The following PDE1C variants were observed in gnomAD, a reference collection of about 807,000 sequenced individuals.
PDE1C encodes the protein phosphodiesterase 1C, also known as dual specificity calcium/calmodulin-dependent 3',5'-cyclic nucleotide phosphodiesterase 1C.
A neutral mutation model predicts 93.1 loss-of-function variants in PDE1C; 62 were observed. The ratio of observed to expected loss-of-function variants is 0.67; its 90% CI spans 0.54 to 0.82. The LOEUF is 0.82. PDE1C is among the 40% of genes least tolerant of loss of function. The pLI, the probability that PDE1C is intolerant of heterozygous loss-of-function variation, is 0.00. For missense variants in PDE1C, 742 were observed against 884.6 expected, an observed-to-expected ratio of 0.84 and a Z score of 2.04; for synonymous variants, 325 against 310.1, an observed-to-expected ratio of 1.05 and a Z score of -0.50.
rs181151323 is a variant in PDE1C, at chr7:31,962,299, T to C, written c.129-81439A>G. ...CTAACATCTTCCAAAACAAGTTCAC[T>C]ATGACTGTTCAGTGCCAGCCCTGGA... On this transcript the variant is annotated intron_variant, in intron 2 of 17. Transcript: ENST00000396191. 1.5e-4 allele frequency among the ~76,000 whole-genome samples: 23 copies of C among 152,356 alleles called. No individual in the cohort carries two copies. In the East Asian group the frequency reaches 4.4e-3, roughly 29 times the overall value.
intron 2 of PDE1C, among the ~76,000 whole-genome samples, chr7:32,195,953 G>A (rs1318243731): frequency 6.6e-6 from 1 of 152,130 alleles, no homozygotes; most frequent in African/African-American, 2.4e-5. Context: ...CACTGTGTAT[G>A]GAATGACCTC....
chr7:31,795,146 A>G (rs1371854378), intron 16 of PDE1C, among the ~76,000 whole-genome samples: 1 of 151,958 alleles, frequency 6.6e-6, no homozygotes, highest in Non-Finnish European at 1.5e-5. Flanking sequence ...ACTGCATTTA[A>G]TAGCTTTTTT....
intron 2 of PDE1C, among the ~76,000 whole-genome samples, chr7:32,172,144 A>C (rs1802693191): frequency 6.6e-6 from 1 of 151,982 alleles, no homozygotes; most frequent in Non-Finnish European, 1.5e-5. Flanking sequence ...GCCTGAAGAC[A>C]TTACCATTAC....
At chr7:32,245,621 A>T (rs1165173560) in intron 1 of PDE1C, among the ~76,000 whole-genome samples, 1 of 152,192 alleles carries the variant, frequency 6.6e-6, no homozygotes, top group Non-Finnish European at 1.5e-5. Flanking sequence ...CAGGTGTATC[A>T]GCATCTTAGT....
the PDE1C span, among the ~76,000 whole-genome samples, chr7:31,624,423 G>A: frequency 5.2e-5 from 7 of 134,310 alleles, no homozygotes; most frequent in Admixed American, 2.4e-4. Flanking sequence ...CCAAAACAGA[G>A]ATATAGATCA....
chr7:31,631,763 TC>T, the PDE1C span, among the ~76,000 whole-genome samples: 1 of 152,186 alleles, frequency 6.6e-6, no homozygotes, highest in Non-Finnish European at 1.5e-5. Flanking sequence ...TGGAAGTAAT[TC>T]AAATGTTACG....
chr7:31,932,823 C>T (rs1012360743), intron 2 of PDE1C, among the ~76,000 whole-genome samples: 4 of 152,106 alleles, frequency 2.6e-5, no homozygotes, highest in Non-Finnish European at 5.9e-5. Flanking sequence ...CCTAAATGCC[C>T]ATCAGTGATA....
chr7:32,079,576 C>G (rs1796539326), intron 3 of PDE1C, among the ~76,000 whole-genome samples: 1 of 152,170 alleles, frequency 6.6e-6, no homozygotes, highest in Non-Finnish European at 1.5e-5. Flanking sequence ...AGATGGCAAC[C>G]CGGGCTAGAA....
chr7:32,274,990 A>T (rs1182087369), intron 1 of PDE1C, among the ~76,000 whole-genome samples: 1 of 152,218 alleles, frequency 6.6e-6, no homozygotes, highest in Non-Finnish European at 1.5e-5. Context: ...CAAGTCGCTA[A>T]GTTTCTGCAG....
intron 2 of PDE1C, among the ~76,000 whole-genome samples, chr7:31,962,116 A>G (rs1563104642): frequency 6.6e-6 from 1 of 152,240 alleles, no homozygotes; most frequent in Non-Finnish European, 1.5e-5. Flanking sequence ...AACTTCCAGT[A>G]TCTTTTCTCC....
At chr7:31,683,536 G>A in the PDE1C span, among the ~76,000 whole-genome samples, 1 of 151,944 alleles carries the variant, frequency 6.6e-6, no homozygotes, top group African/African-American at 2.4e-5. Context: ...CAAAGACACA[G>A]TGCTCACTTA....
chr7:32,238,049 C>T (rs12701198), intron 1 of PDE1C, among the ~76,000 whole-genome samples: 15,985 of 151,956 alleles, frequency 0.11, 902 homozygotes, highest in East Asian at 0.13. Context: ...GGATTGCAGG[C>T]GTAAACCACC....
At chr7:32,286,625 C>A in intron 1 of PDE1C, among the ~76,000 whole-genome samples, 1 of 152,138 alleles carries the variant, frequency 6.6e-6, no homozygotes, top group East Asian at 1.9e-4. Flanking sequence ...GAAGCTGATA[C>A]AAACACAAAA....
intron 9 of PDE1C, among the ~76,000 whole-genome samples, chr7:31,846,978 A>G (rs1792715008): frequency 6.6e-6 from 1 of 152,186 alleles, no homozygotes; most frequent in African/African-American, 2.4e-5. Context: ...AATCCTTGAA[A>G]GATGGTGAGC....
intron 1 of PDE1C, among the ~76,000 whole-genome samples, chr7:32,335,742 G>T (rs1783607093): frequency 6.6e-6 from 1 of 151,566 alleles, no homozygotes; most frequent in Non-Finnish European, 1.5e-5. Flanking sequence ...GTTTTTGTTT[G>T]TTTTGAGACA....
chr7:31,930,848 C>CAAAAAAAAAAAAAAAAAAAAA (rs56394903), intron 2 of PDE1C, among the ~76,000 whole-genome samples: 2 of 32,642 alleles, frequency 6.1e-5, no homozygotes, highest in African/African-American at 1.7e-4. Flanking sequence ...GACTCTGTCT[C>CAAAAAAAAAAAAAAAAAAAAA]AAAAAAAAAA....
At chr7:32,221,620 C>A (rs1398167510) in intron 1 of PDE1C, among the ~76,000 whole-genome samples, 1 of 152,120 alleles carries the variant, frequency 6.6e-6, no homozygotes, top group Non-Finnish European at 1.5e-5. Context: ...GGACATAACC[C>A]GCATTGAAAA....
chr7:31,787,546 G>A (rs1784130360), intron 16 of PDE1C: 1 of 152,172 alleles, frequency 6.6e-6, no homozygotes, highest in South Asian at 2.1e-4. Flanking sequence ...CAAATTCAAG[G>A]GCTAACTTGT....
upstream of PDE1C, chr7:32,071,203 C>G: frequency 3.0e-6 from 3 of 985,446 alleles, no homozygotes; most frequent in Non-Finnish European, 3.6e-6. Context: ...CCGGAACCCT[C>G]ACCTCAACAA....
Sources: allele counts gnomAD v4.1 joint callset (sites outside exome capture counted in the v4.1 genomes callset), GRCh38; gene constraint gnomAD v4.1.1; transcripts MANE v1.5; gene names NCBI Gene and HGNC (gene_info 2026-07-23, HGNC 2026-07-21).